Variants in TRIM2 observed in about 807,000 individuals in gnomAD.
TRIM2 encodes the protein tripartite motif-containing protein 2.
In TRIM2, 20 loss-of-function variants were observed where a neutral mutation model predicts 75.2. The observed-to-expected ratio is 0.27, with a 90% CI of 0.19 to 0.39. TRIM2 has a LOEUF of 0.39. Among genes scored for constraint, TRIM2 ranks in the 10% least tolerant of loss-of-function variants. The pLI, the probability that TRIM2 is intolerant of heterozygous loss-of-function variation, is 1.00. For missense variants in TRIM2, 660 were observed against 990.8 expected, an observed-to-expected ratio of 0.67 and a Z score of 4.48; for synonymous variants, 373 against 388.3, an observed-to-expected ratio of 0.96 and a Z score of 0.46.
intron 1 of TRIM2, among the ~76,000 whole-genome samples, chr4:153,155,381 T>C (rs1198035131): frequency 6.6e-6 from 1 of 152,208 alleles, no homozygotes; most frequent in East Asian, 1.9e-4. Flanking sequence ...TTGTTCTTAA[T>C]TTTGTCCACT....
At chr4:153,220,358 G>A (rs1739610295) in intron 1 of TRIM2, among the ~76,000 whole-genome samples, 1 of 152,140 alleles carries the variant, frequency 6.6e-6, no homozygotes, top group African/African-American at 2.4e-5. Context: ...GAAAAGGATG[G>A]CATTTAACAG....
At chr4:153,266,797 C>T (rs1755256348) in intron 1 of TRIM2, 1 of 151,404 alleles carries the variant, frequency 6.6e-6, no homozygotes, top group Non-Finnish European at 1.5e-5. Context: ...TTTTAAAAAT[C>T]ATATCTTTAA....
intron 11 of TRIM2, among the ~76,000 whole-genome samples, chr4:153,329,830 C>CT (rs1771067233): frequency 6.6e-6 from 1 of 150,594 alleles, no homozygotes; most frequent in Non-Finnish European, 1.5e-5. Flanking sequence ...GAAGGAGACT[C>CT]TGTCTCAAAA....
At chr4:153,251,788 G>A (rs1750928255) in intron 1 of TRIM2, among the ~76,000 whole-genome samples, 1 of 151,974 alleles carries the variant, frequency 6.6e-6, no homozygotes, top group South Asian at 2.1e-4. Context: ...AGACCAGCCT[G>A]GGCAGCATGG....
At chr4:153,280,340 G>A (rs1165626017) in intron 3 of TRIM2, among the ~76,000 whole-genome samples, 1 of 149,186 alleles carries the variant, frequency 6.7e-6, no homozygotes, top group African/African-American at 2.5e-5. Flanking sequence ...CTTAATTAAT[G>A]ACATTGGCTG....
In TRIM2 at chr4:153,255,985, GTGTT is replaced by G. The variant is rs374753163; in HGVS notation, c.31-14334_31-14331del. 8.8e-3 allele frequency among the ~76,000 whole-genome samples: 1,339 copies of G among 152,168 alleles called. 25 individuals are homozygous for G. The highest frequency in any genetic ancestry group is 0.029 in the African/African-American group (1,204 of 41,514). On this transcript the variant is annotated intron_variant, in intron 1 of 11. Coordinates refer to ENST00000338700, the MANE Select transcript of TRIM2 (RefSeq NM_015271.5). ...GAGATAGCTAAAGGGTATGGGTTGGGTGTTTGTTTGTTTGTTTGTCTGAGATGAT... is the reference window on the plus strand; with the variant it reads ...GAGATAGCTAAAGGGTATGGGTTGGGTGTTTGTTTGTTTGTCTGAGATGAT...
chr4:153,175,084 G>C (rs113047729), intron 1 of TRIM2, among the ~76,000 whole-genome samples: 3 of 151,778 alleles, frequency 2.0e-5, no homozygotes, highest in African/African-American at 7.3e-5. Flanking sequence ...ATCTCGGCTC[G>C]CTGCAACCTC....
chr4:153,325,911 T>A (rs1156360587), intron 10 of TRIM2, among the ~76,000 whole-genome samples: 1 of 152,202 alleles, frequency 6.6e-6, no homozygotes, highest in African/African-American at 2.4e-5. Flanking sequence ...TTAAAACATA[T>A]GTAAGTAGCC....
At chr4:153,211,243 G>C (rs942271402) in intron 1 of TRIM2, among the ~76,000 whole-genome samples, 2 of 152,132 alleles carry the variant, frequency 1.3e-5, no homozygotes, top group Non-Finnish European at 2.9e-5. Context: ...GTCAGCTCTG[G>C]ACAGGGCTGG....
At chr4:153,247,766 A>G (rs2149901538) in intron 1 of TRIM2, among the ~76,000 whole-genome samples, 1 of 148,904 alleles carries the variant, frequency 6.7e-6, no homozygotes, top group East Asian at 2.0e-4. Flanking sequence ...GATGTATTTT[A>G]TTTGGCTTAT....
At chr4:153,217,487 C>T (rs891701700) in intron 1 of TRIM2, among the ~76,000 whole-genome samples, 2 of 152,112 alleles carry the variant, frequency 1.3e-5, no homozygotes, top group African/African-American at 4.8e-5. Flanking sequence ...GGAGTCAGTG[C>T]AAGAATTGCT....
intron 1 of TRIM2, among the ~76,000 whole-genome samples, chr4:153,223,415 C>A (rs1048968863): frequency 6.6e-6 from 1 of 152,190 alleles, no homozygotes; most frequent in Admixed American, 6.5e-5. Flanking sequence ...TCCTCTTTTT[C>A]TTTAAAAACA....
At chr4:153,318,392 A>G (rs180897791) in intron 8 of TRIM2, among the ~76,000 whole-genome samples, 4 of 152,228 alleles carry the variant, frequency 2.6e-5, no homozygotes, top group Non-Finnish European at 4.4e-5. Flanking sequence ...AGACTGAAAA[A>G]CTGTCATTTT....
chr4:153,207,009 C>A (rs1016646798), intron 1 of TRIM2, among the ~76,000 whole-genome samples: 15 of 152,144 alleles, frequency 9.9e-5, no homozygotes, highest in African/African-American at 3.1e-4. Flanking sequence ...CCCGCCTCAG[C>A]CTACCAAAGT....
chr4:153,251,967 C>A (rs1433215681), intron 1 of TRIM2, among the ~76,000 whole-genome samples: 1 of 152,016 alleles, frequency 6.6e-6, no homozygotes, highest in Non-Finnish European at 1.5e-5. Flanking sequence ...CAGGGTGACA[C>A]CCTGTCTCAA....
chr4:153,338,226 G>A lies in TRIM2; in HGVS notation c.*3260G>A. 1.0e-6 allele frequency: 1 copy of A among 985,848 alleles called. No individual in the cohort carries two copies. Among genetic ancestry groups the A allele is most frequent in the Non-Finnish European group, 1.2e-6 (1 of 829,936 alleles). 61.1% of individuals were successfully genotyped at this position (985,848 alleles called of 1,614,324 possible). A position where few individuals can be genotyped will look rare whatever the true frequency, so the allele number is the denominator to read the frequency against. On this transcript the variant is annotated 3_prime_UTR_variant, in exon 12 of 12. Coordinates refer to ENST00000338700, the MANE Select transcript of TRIM2 (RefSeq NM_015271.5). The stretch of plus-strand genomic sequence containing the variant: ...ATCTGTGAATCCTTAGCACTGACGG[G>A]TTAACAGAAATGCTTTGGTAATACC...
chr4:153,280,080 C>T (rs1758929979), intron 3 of TRIM2, among the ~76,000 whole-genome samples: 1 of 149,532 alleles, frequency 6.7e-6, no homozygotes, highest in South Asian at 2.2e-4. Flanking sequence ...CCCCTACCCC[C>T]ACCCACCCCC....
At position 153,213,827 on chromosome 4, in the gene TRIM2, A is replaced by G. The variant is rs575909030; in HGVS notation, c.30+9267A>G. ...AGGTGTGAACCACTGTGCCTGGCAAATCCTACTATTATTACTATTTAACGA... is the reference window on the plus strand; with the variant it reads ...AGGTGTGAACCACTGTGCCTGGCAAGTCCTACTATTATTACTATTTAACGA... On this transcript the variant is annotated intron_variant, in intron 1 of 11. Coordinates refer to ENST00000338700, the MANE Select transcript of TRIM2 (RefSeq NM_015271.5). 5.3e-5 allele frequency among the ~76,000 whole-genome samples: 8 copies of G among 152,228 alleles called. No homozygotes were observed. In the South Asian group the frequency reaches 1.5e-3, roughly 28 times the overall value.
At chr4:153,221,813 AGGG>A in intron 1 of TRIM2, among the ~76,000 whole-genome samples, 1 of 97,034 alleles carries the variant, frequency 1.0e-5, no homozygotes, top group Non-Finnish European at 2.1e-5. Flanking sequence ...GAAGGAAGGG[AGGG>A]AGGGAGGAAA....
Sources: gnomAD v4.1 joint callset for allele counts (sites outside exome capture counted in the v4.1 genomes callset) on GRCh38, gnomAD v4.1.1 for gene constraint, MANE v1.5 for transcripts, NCBI Gene and HGNC (gene_info 2026-07-23, HGNC 2026-07-21) for gene names.